The following RUFY1 variants were observed in gnomAD, a reference collection of about 807,000 sequenced individuals.
The protein encoded by RUFY1 is RUN and FYVE domain containing 1.
RUFY1 carries 54 observed loss-of-function variants against 94.6 expected under a neutral mutation model. That is an observed-to-expected ratio of 0.57 (90% CI 0.46 to 0.72). The LOEUF is 0.72. Among genes scored for constraint, RUFY1 ranks in the 30% least tolerant of loss-of-function variants. RUFY1 has a pLI of 0.00. For synonymous variants in RUFY1, 396 were observed against 347.3 expected (o/e 1.14, Z -1.56); for missense variants, 883 against 883.9 (o/e 1.00, Z 0.01).
chr5:179,562,908 G>A lies in RUFY1; in HGVS notation c.602+244G>A, dbSNP rs1762556205. On this transcript the variant is annotated intron_variant, in intron 3 of 17. Transcript: ENST00000319449. ...TTGAAAAGGTGTTGTCAACCAAAGG[G>A]CACTCACAGGAGGAAAAGGAACTAC... The A allele has an allele frequency of 1.3e-5, 5 of 383,400 alleles. No individual in the cohort carries two copies. The Middle Eastern group carries it at 2.2e-3, about 169-fold the overall frequency. The allele number at this position is 383,400 out of a possible 1,614,324, so 23.7% of individuals were successfully genotyped here. A position where few individuals can be genotyped will look rare whatever the true frequency, so the allele number is the denominator to read the frequency against.
rs149270495 is a variant in RUFY1 at position 179,558,480 on chromosome 5, G to T, written c.311-1545G>T. ...CCAGCTACTCGGGAGTCTGAAACAA[G>T]AGAATTGCTTGAGCTCAGGAGGCGA... On this transcript the variant is annotated intron_variant, in intron 1 of 17. Transcript: ENST00000319449. Among the ~76,000 whole-genome samples, 295 of 151,644 alleles carry T rather than the reference G, an allele frequency of 1.9e-3. 4 individuals carry two copies. Among genetic ancestry groups the T allele is most frequent in the African/African-American group, 6.7e-3 (277 of 41,180 alleles).
chr5:179,593,414 C>G (rs1765269600), intron 10 of RUFY1, 64 bp from the exon 11 acceptor site: 1 of 1,541,400 alleles, frequency 6.5e-7, no homozygotes, highest in Admixed American at 1.8e-5. Context: ...TGAGATTCAA[C>G]CCCAGTTAAA....
In RUFY1 at chr5:179,562,669, G is replaced by T. The variant is rs760615308; in HGVS notation, c.602+5G>T. ...CAGAAATCTTCCAGAATTAAAGTGA[G>T]TGAGAAGTAGTTCTGCCAATTTGAT... On this transcript the variant is annotated splice_donor_5th_base_variant and intron_variant, in intron 3 of 17. Coordinates refer to ENST00000319449, the MANE Select transcript of RUFY1 (RefSeq NM_025158.5). 1 of 1,364,940 alleles carries T rather than the reference G, an allele frequency of 7.3e-7. No individual in the cohort carries two copies. The highest frequency in any genetic ancestry group is 1.2e-5 in the South Asian group (1 of 84,404). The allele number at this position is 1,364,940 out of a possible 1,614,324, so 84.6% of individuals were successfully genotyped here. A position where few individuals can be genotyped will look rare whatever the true frequency, so the allele number is the denominator to read the frequency against.
At chr5:179,557,730 TG>T (rs1762178556) in intron 1 of RUFY1, among the ~76,000 whole-genome samples, 1 of 152,132 alleles carries the variant, frequency 6.6e-6, no homozygotes, top group Non-Finnish European at 1.5e-5. Flanking sequence ...TACATAGATT[TG>T]TAGGGAGAAA....
Position 179,584,440 on chromosome 5 carries a change from C to T in RUFY1, c.957-1356C>T, listed in dbSNP as rs556038417. Among the ~76,000 whole-genome samples, 109 of 152,278 alleles carry T rather than the reference C, an allele frequency of 7.2e-4. 1 individual carries two copies. In the South Asian group the frequency reaches 0.022, roughly 30 times the overall value. ...CTGTAAAATGGGCTAACAGTAGGAT[C>T]TACCTCATTGAATTGTGGGGAAGAT... On this transcript the variant is annotated intron_variant, in intron 7 of 17. Transcript: ENST00000319449.
intron 1 of RUFY1, among the ~76,000 whole-genome samples, chr5:179,555,126 G>A (rs899373446): frequency 4.6e-5 from 7 of 152,132 alleles, no homozygotes; most frequent in African/African-American, 1.7e-4. Flanking sequence ...AATGTATCTT[G>A]CTTTTTAGAG....
rs1222570126 is a variant in RUFY1, at chr5:179,588,161, C to T, written c.1027-1385C>T. 3.9e-5 allele frequency among the ~76,000 whole-genome samples: 6 copies of T among 152,056 alleles called. No homozygotes were observed. In the East Asian group the frequency reaches 7.7e-4, roughly 20 times the overall value. On this transcript the variant is annotated intron_variant, in intron 8 of 17. Transcript: ENST00000319449. ...AAGCCTTGGTGTTTCTTTTTTTGGG[C>T]ACAGCAGTTAATGTGTAGAAACCCC... is the stretch of plus-strand genomic sequence containing the variant.
rs1042621118 is a variant in RUFY1 at position 179,569,036 on chromosome 5, G to A, written c.705-266G>A. 62 of 985,168 alleles carry A rather than the reference G, an allele frequency of 6.3e-5. No homozygotes were observed. In the African/African-American group the frequency reaches 9.8e-4, roughly 16 times the overall value. The allele number at this position is 985,168 out of a possible 1,614,324, so 61.0% of individuals were successfully genotyped here. A position where few individuals can be genotyped will look rare whatever the true frequency, so the allele number is the denominator to read the frequency against. The stretch of plus-strand genomic sequence containing the variant: ...AGAGTGACAGGAGTCAAGAGGAGAC[G>A]AGGAGAACTGGGGTCCAGGGTCTGC... On this transcript the variant is annotated intron_variant, in intron 4 of 17. Transcript: ENST00000319449.
chr5:179,583,362 T>C (rs1415536936), intron 7 of RUFY1, among the ~76,000 whole-genome samples: 1 of 151,610 alleles, frequency 6.6e-6, no homozygotes, highest in African/African-American at 2.4e-5. Flanking sequence ...TTTCAGTTTT[T>C]ACTTAGTTCA....
intron 12 of RUFY1, 82 bp from the exon 13 acceptor site, chr5:179,596,480 A>G (rs1253257817): frequency 6.5e-7 from 1 of 1,547,438 alleles, no homozygotes; most frequent in African/African-American, 1.4e-5. Flanking sequence ...TGGTAATTTT[A>G]AAAATGAATT....
At position 179,559,314 on chromosome 5, in the gene RUFY1, G is replaced by C. The variant is rs188468128; in HGVS notation, c.311-711G>C. On this transcript the variant is annotated intron_variant, in intron 1 of 17. Coordinates refer to ENST00000319449, the MANE Select transcript of RUFY1 (RefSeq NM_025158.5). ...GCGACAAGATAATGGGAGTTGAAAT[G>C]GAACTCTCTGAATTCATTTGACTCC... Among the ~76,000 whole-genome samples, 27 of 152,328 alleles carry C rather than the reference G, an allele frequency of 1.8e-4. No individual in the cohort carries two copies. In the East Asian group the frequency reaches 5.2e-3, roughly 29 times the overall value.
intron 2 of RUFY1, among the ~76,000 whole-genome samples, chr5:179,561,590 A>T (rs188860289): frequency 3.9e-5 from 6 of 152,114 alleles, no homozygotes; most frequent in East Asian, 3.9e-4. Flanking sequence ...AAAACAAAAA[A>T]AAATAAATCC....
At chr5:179,591,872 T>G in intron 10 of RUFY1, 131 bp downstream of exon 10, 1 of 551,672 alleles carries the variant, frequency 1.8e-6, no homozygotes, top group Non-Finnish European at 3.2e-6. Context: ...AAAAAAATTT[T>G]TTTTAAGTCT....
At chr5:179,559,924 C>G in intron 1 of RUFY1, 101 bp from the exon 2 acceptor site, 3 of 1,484,624 alleles carry the variant, frequency 2.0e-6, no homozygotes, top group Non-Finnish European at 2.7e-6. Flanking sequence ...CCTAAGCAGA[C>G]CGCCTGGCCT....
intron 11 of RUFY1, 123 bp downstream of exon 11, chr5:179,593,768 C>T: frequency 1.4e-6 from 2 of 1,403,692 alleles, no homozygotes; most frequent in Non-Finnish European, 1.9e-6. Flanking sequence ...AGACCTGCTC[C>T]TAGGACCTAT....
chr5:179,583,555 T>C (rs1764344070), intron 7 of RUFY1, among the ~76,000 whole-genome samples: 1 of 146,078 alleles, frequency 6.8e-6, no homozygotes, highest in Non-Finnish European at 1.5e-5. Context: ...TAGCTGGAAC[T>C]ACAGGCACCT....
chr5:179,568,715 C>T (rs1404288241), intron 4 of RUFY1, among the ~76,000 whole-genome samples: 1 of 152,142 alleles, frequency 6.6e-6, no homozygotes, highest in Non-Finnish European at 1.5e-5. Flanking sequence ...TGAACTAATT[C>T]TTAAGAGAAA....
rs1265887294 is a variant in RUFY1, at chr5:179,609,518, G to T, written c.2126G>T (p.Ter709LeuextTer86). Residue 709 changes from the stop codon to leucine, a stop_lost, in exon 18 of 18, where the codon TGA (stop) becomes TTA (leucine). Transcript: ENST00000319449. ...CAGCGCTGCTCCTCCACGGCCTCCTGAACGTCCGTCCTCAGGAGCACAGCC... is the reference window on the plus strand; with the variant it reads ...CAGCGCTGCTCCTCCACGGCCTCCTTAACGTCCGTCCTCAGGAGCACAGCC... ...LLQRCSSTAS[*>L] The T allele has an allele frequency of 6.2e-7, 1 of 1,600,024 alleles. No individual in the cohort carries two copies. Among genetic ancestry groups the T allele is most frequent in the Admixed American group, 1.7e-5 (1 of 58,884 alleles).
chr5:179,609,628 T>G lies in RUFY1; in HGVS notation c.*109T>G. 8.4e-7 allele frequency: 1 copy of G among 1,194,214 alleles called. No homozygotes were observed. Among genetic ancestry groups the G allele is most frequent in the Non-Finnish European group, 1.1e-6 (1 of 886,172 alleles). The allele number at this position is 1,194,214 out of a possible 1,614,324, so 74.0% of individuals were successfully genotyped here. On this transcript the variant is annotated 3_prime_UTR_variant, in exon 18 of 18. Coordinates refer to ENST00000319449, the MANE Select transcript of RUFY1 (RefSeq NM_025158.5). The stretch of plus-strand genomic sequence containing the variant: ...AGAGTATCAAAGGAAAGAATCAAAT[T>G]TCTTGCCCGGTCACTGGCACTCCAG...
Sources: gnomAD v4.1 joint callset for allele counts (sites outside exome capture counted in the v4.1 genomes callset) on GRCh38, gnomAD v4.1.1 for gene constraint, MANE v1.5 for transcripts, NCBI Gene and HGNC (gene_info 2026-07-23, HGNC 2026-07-21) for gene names.